The following STAU2 variants were observed in gnomAD, a reference collection of about 807,000 sequenced individuals.
STAU2 encodes the protein double-stranded RNA-binding protein Staufen homolog 2.
STAU2 carries 20 observed loss-of-function variants against 65.9 expected under a neutral mutation model. The ratio of observed to expected loss-of-function variants is 0.30; its 90% CI spans 0.21 to 0.44. The LOEUF is 0.44. STAU2 is among the 20% of genes least tolerant of loss of function. STAU2 has a pLI of 1.00. For synonymous variants in STAU2, 232 were observed against 233.9 expected, an observed-to-expected ratio of 0.99 and a Z score of 0.07; for missense variants, 558 against 683.9, an observed-to-expected ratio of 0.82 and a Z score of 2.05.
rs2128901971 is a variant in STAU2 at position 73,464,909 on chromosome 8, G to A, written c.1531-42207C>T. 1.3e-5 allele frequency among the ~76,000 whole-genome samples: 2 copies of A among 152,316 alleles called. 1 individual carries two copies. The highest frequency in any genetic ancestry group is 3.9e-4 in the East Asian group (2 of 5,186). On this transcript the variant is annotated intron_variant, in intron 13 of 14. Transcript: ENST00000524300. ...AATTTCAGAGGCATGGATTTGTTTT[G>A]TGATATCATATTAAGAAGATACAGC... is the stretch of plus-strand genomic sequence containing the variant.
In STAU2 at chr8:73,583,944, C is replaced by A. The variant is rs908462747; in HGVS notation, c.1162-1114G>T. On this transcript the variant is annotated intron_variant, in intron 11 of 14. Coordinates refer to ENST00000524300, the MANE Select transcript of STAU2 (RefSeq NM_001164380.2). ...GATCAGCATTTTATATTTATGTTAA[C>A]GGTCAAAGGTCAAATAGATAATTAA... Among the ~76,000 whole-genome samples the A allele has an allele frequency of 3.9e-5, 6 of 152,012 alleles. No individual in the cohort carries two copies. The East Asian group carries it at 1.2e-3, about 29-fold the overall frequency.
intron 13 of STAU2, among the ~76,000 whole-genome samples, chr8:73,495,828 T>C (rs184884210): frequency 6.7e-4 from 101 of 151,538 alleles, no homozygotes; most frequent in African/African-American, 2.1e-3. Flanking sequence ...CATACAGTTG[T>C]AGAATTCCAT....
chr8:73,476,128 G>C (rs1469783202), intron 13 of STAU2, among the ~76,000 whole-genome samples: 1 of 152,114 alleles, frequency 6.6e-6, no homozygotes, highest in Admixed American at 6.6e-5. Flanking sequence ...CAATGGGAGC[G>C]ATATGGGCAC....
At chr8:73,538,797 A>C (rs1806345703) in intron 13 of STAU2, among the ~76,000 whole-genome samples, 1 of 152,182 alleles carries the variant, frequency 6.6e-6, no homozygotes, top group Non-Finnish European at 1.5e-5. Context: ...AGAAGAAATA[A>C]GTTGGTGCTT....
chr8:73,590,704 C>T (rs1472455919), intron 11 of STAU2: 4 of 152,364 alleles, frequency 2.6e-5, no homozygotes, highest in African/African-American at 4.8e-5. Context: ...TGTAAGACAT[C>T]ATCTGGGAGG....
At chr8:73,574,577 T>G (rs1007399794) in intron 12 of STAU2, among the ~76,000 whole-genome samples, 4 of 152,166 alleles carry the variant, frequency 2.6e-5, no homozygotes, top group African/African-American at 9.6e-5. Context: ...TATGCAGTCA[T>G]AAAAAAAGGA....
At chr8:73,692,572 T>G (rs1819405745) in intron 4 of STAU2, among the ~76,000 whole-genome samples, 1 of 152,208 alleles carries the variant, frequency 6.6e-6, no homozygotes, top group African/African-American at 2.4e-5. Context: ...AATATAAGTA[T>G]GTGTTCCCCT....
At chr8:73,515,113 T>A (rs1371787262) in intron 13 of STAU2, among the ~76,000 whole-genome samples, 1 of 152,160 alleles carries the variant, frequency 6.6e-6, no homozygotes, top group East Asian at 1.9e-4. Flanking sequence ...GCAGTAGTAT[T>A]AAAACTATTT....
intron 6 of STAU2, among the ~76,000 whole-genome samples, chr8:73,657,035 G>C (rs1438432460): frequency 2.0e-5 from 3 of 152,172 alleles, no homozygotes; most frequent in Non-Finnish European, 4.4e-5. Context: ...TAACAGTTAT[G>C]AATACCTATG....
chr8:73,550,745 C>T, intron 13 of STAU2: 1 of 987,316 alleles, frequency 1.0e-6, no homozygotes, highest in Non-Finnish European at 1.2e-6. Flanking sequence ...TTTCAGATGA[C>T]AGAGCCGATA....
chr8:73,726,595 A>G (rs1805650800), intron 3 of STAU2, among the ~76,000 whole-genome samples: 1 of 151,872 alleles, frequency 6.6e-6, no homozygotes, highest in South Asian at 2.1e-4. Context: ...GATAGTCACT[A>G]TTGTTATCTA....
intron 10 of STAU2, among the ~76,000 whole-genome samples, chr8:73,596,487 T>C (rs773248987): frequency 5.9e-5 from 9 of 152,178 alleles, no homozygotes; most frequent in Non-Finnish European, 1.2e-4. Flanking sequence ...TACACAACTA[T>C]AGTTGAATTT....
chr8:73,715,337 T>G (rs1385819202), intron 3 of STAU2, among the ~76,000 whole-genome samples: 1 of 151,652 alleles, frequency 6.6e-6, no homozygotes, highest in African/African-American at 2.4e-5. Context: ...ATGCCTGTAG[T>G]CCGAGCTATT....
intron 6 of STAU2, among the ~76,000 whole-genome samples, chr8:73,637,574 G>A (rs1345729096): frequency 6.9e-6 from 1 of 145,300 alleles, no homozygotes; most frequent in Non-Finnish European, 1.5e-5. Flanking sequence ...CAAAACTGAA[G>A]GCAAAATAAA....
chr8:73,571,937 C>CA (rs778438549), intron 12 of STAU2, among the ~76,000 whole-genome samples: 189 of 151,688 alleles, frequency 1.2e-3, no homozygotes, highest in African/African-American at 2.6e-3. Context: ...AAAAACCCTT[C>CA]AAAAAAAATC....
intron 3 of STAU2, 55 bp downstream of exon 3, chr8:73,738,229 C>T: frequency 6.8e-7 from 1 of 1,478,846 alleles, no homozygotes. Context: ...AAATGTTCCA[C>T]AATTTACAGC....
chr8:73,654,661 A>AAAAAAAAAAAAAAAAAAAC, intron 6 of STAU2, among the ~76,000 whole-genome samples: 3 of 137,256 alleles, frequency 2.2e-5, no homozygotes, highest in Non-Finnish European at 3.2e-5. Context: ...AAAAAAAAAA[A>AAAAAAAAAAAAAAAAAAAC]GAACTCTTTT....
At chr8:73,637,110 AAAG>A (rs1164822893) in intron 6 of STAU2, among the ~76,000 whole-genome samples, 1 of 152,016 alleles carries the variant, frequency 6.6e-6, no homozygotes, top group African/African-American at 2.4e-5. Context: ...TATTAGAAAA[AAAG>A]AAGTTAAAAA....
At chr8:73,421,925 G>T (rs1222054140) in intron 14 of STAU2, among the ~76,000 whole-genome samples, 1 of 149,512 alleles carries the variant, frequency 6.7e-6, no homozygotes, top group Non-Finnish European at 1.5e-5. Flanking sequence ...GAAAGAGGTT[G>T]AATTCTACTA....
Sources: allele counts gnomAD v4.1 joint callset (sites outside exome capture counted in the v4.1 genomes callset), GRCh38; gene constraint gnomAD v4.1.1; transcripts MANE v1.5; gene names NCBI Gene and HGNC (gene_info 2026-07-23, HGNC 2026-07-21).